KCND2: variants seen among roughly 807,000 people sequenced by gnomAD.
KCND2 encodes potassium voltage-gated channel subfamily D member 2.
In KCND2, 16 loss-of-function variants were observed where a neutral mutation model predicts 54.4. The ratio of observed to expected loss-of-function variants is 0.29; its 90% confidence interval spans 0.20 to 0.45. The LOEUF (loss-of-function observed/expected upper bound fraction) is 0.45, where lower values mean the gene tolerates loss of function less well. Among genes scored for constraint, KCND2 ranks in the 20% least tolerant of loss-of-function variants. KCND2 has a pLI of 1.00. For synonymous variants in KCND2, 317 were observed against 310.7 expected (o/e 1.02, Z -0.21); for missense variants, 486 against 824.2 (o/e 0.59, Z 5.02).
At chr7:120,512,718 T>C (rs902202859) in intron 1 of KCND2, among the ~76,000 whole-genome samples, 2 of 151,988 alleles carry the variant, frequency 1.3e-5, no homozygotes, top group African/African-American at 4.8e-5. Context: ...TTTTTTCTCC[T>C]TTTTCATAAA....
intron 1 of KCND2, among the ~76,000 whole-genome samples, chr7:120,443,619 T>A (rs1801975939): frequency 6.6e-6 from 1 of 152,018 alleles, no homozygotes; most frequent in Admixed American, 6.6e-5. Flanking sequence ...ACTTTCAAAG[T>A]CTGATCATGC....
Position 120,747,682 on chromosome 7 carries a change from C to T in KCND2, c.1717C>T (p.Arg573Ter), listed in dbSNP as rs775854692. Residue 573 changes from arginine (R) to a stop codon, truncating the protein, a stop_gained and splice_region_variant, in exon 6 of 6, where the codon CGA becomes TGA. Coordinates refer to ENST00000331113, the MANE Select transcript of KCND2 (RefSeq NM_012281.3). LOFTEE classifies it high-confidence loss of function. ...CCTAAATATTTTTTTTTCTATCAGC[C>T]GATCCAGTTTAAATGCCAAAATGGA... ...CVERTPLSNS[R>*]SSLNAKMEEC... The T allele has an allele frequency of 2.5e-6, 4 of 1,609,750 alleles. No homozygotes were observed. The highest frequency in any genetic ancestry group is 1.7e-5 in the Admixed American group (1 of 59,854).
At chr7:120,312,046 AG>A (rs1216870765) in intron 1 of KCND2, among the ~76,000 whole-genome samples, 1 of 152,170 alleles carries the variant, frequency 6.6e-6, no homozygotes, top group Non-Finnish European at 1.5e-5. Context: ...CTGGGATAAC[AG>A]GCATGCAACA....
At chr7:120,513,884 G>A (rs1803157875) in intron 1 of KCND2, among the ~76,000 whole-genome samples, 1 of 152,048 alleles carries the variant, frequency 6.6e-6, no homozygotes, top group Admixed American at 6.6e-5. Flanking sequence ...TTCAGGAATT[G>A]TTTTGAAGAC....
At chr7:120,572,768 C>T (rs1403215084) in intron 1 of KCND2, among the ~76,000 whole-genome samples, 1 of 152,168 alleles carries the variant, frequency 6.6e-6, no homozygotes, top group African/African-American at 2.4e-5. Flanking sequence ...AGTGATCCAC[C>T]CGCCTTGGCA....
intron 1 of KCND2, among the ~76,000 whole-genome samples, chr7:120,645,512 G>A (rs754217005): frequency 1.3e-5 from 2 of 152,090 alleles, no homozygotes; most frequent in East Asian, 3.9e-4. Flanking sequence ...TGTGTTTCAC[G>A]GCTGGCCACA....
intron 1 of KCND2, among the ~76,000 whole-genome samples, chr7:120,726,153 T>G (rs2116121854): frequency 6.6e-6 from 1 of 152,312 alleles, no homozygotes; most frequent in East Asian, 1.9e-4. Context: ...TTCTTGGGCT[T>G]TGATCGTATA....
intron 1 of KCND2, among the ~76,000 whole-genome samples, chr7:120,408,665 A>C (rs1801399194): frequency 6.6e-6 from 1 of 151,616 alleles, no homozygotes; most frequent in Non-Finnish European, 1.5e-5. Context: ...TGTGATCAAC[A>C]CTCCCCTGCC....
At chr7:120,710,615 A>G (rs1473205698) in intron 1 of KCND2, among the ~76,000 whole-genome samples, 1 of 152,126 alleles carries the variant, frequency 6.6e-6, no homozygotes, top group African/African-American at 2.4e-5. Flanking sequence ...TAGCAATTAT[A>G]CTAAAGTTTA....
chr7:120,612,853 T>C (rs1244940388), intron 1 of KCND2, among the ~76,000 whole-genome samples: 1 of 152,204 alleles, frequency 6.6e-6, no homozygotes, highest in African/African-American at 2.4e-5. Flanking sequence ...GTAAGGAAGA[T>C]GGTAAAATAA....
chr7:120,683,259 A>T (rs1792162302), intron 1 of KCND2, among the ~76,000 whole-genome samples: 1 of 152,134 alleles, frequency 6.6e-6, no homozygotes. Context: ...TAATGGTGTC[A>T]TTACAAATGG....
chr7:120,363,676 T>C (rs1179160094), intron 1 of KCND2, among the ~76,000 whole-genome samples: 1 of 152,134 alleles, frequency 6.6e-6, no homozygotes. Context: ...TACCTAATTT[T>C]GATCATGTAT....
intron 1 of KCND2, among the ~76,000 whole-genome samples, chr7:120,435,162 A>C (rs1389327901): frequency 6.6e-6 from 1 of 151,746 alleles, no homozygotes; most frequent in Non-Finnish European, 1.5e-5. Flanking sequence ...AGTGGAGTGC[A>C]GTGGCTTCAT....
intron 1 of KCND2, among the ~76,000 whole-genome samples, chr7:120,577,530 C>T (rs1439292698): frequency 6.7e-6 from 1 of 149,720 alleles, no homozygotes; most frequent in Admixed American, 6.6e-5. Flanking sequence ...ACTCTGCCTC[C>T]CTGGACTCAA....
chr7:120,497,916 C>T (rs1188359462), intron 1 of KCND2, among the ~76,000 whole-genome samples: 1 of 152,040 alleles, frequency 6.6e-6, no homozygotes, highest in Non-Finnish European at 1.5e-5. Context: ...TATTAGAGGA[C>T]ACCTAGCAGC....
At chr7:120,497,573 A>C (rs928896756) in intron 1 of KCND2, among the ~76,000 whole-genome samples, 18 of 152,334 alleles carry the variant, frequency 1.2e-4, no homozygotes, top group African/African-American at 4.3e-4. Context: ...TGAGGATTCC[A>C]TGTACCTTCC....
intron 1 of KCND2, among the ~76,000 whole-genome samples, chr7:120,665,115 A>G (rs1791909458): frequency 1.3e-5 from 2 of 152,084 alleles, no homozygotes; most frequent in Admixed American, 6.5e-5. Flanking sequence ...ACTCTAGTTT[A>G]TAAACCTAGT....
chr7:120,492,471 G>A (rs1802798487), intron 1 of KCND2, among the ~76,000 whole-genome samples: 1 of 151,812 alleles, frequency 6.6e-6, no homozygotes. Context: ...CATAAGCTGG[G>A]CAGCTTATAA....
rs570202327 is a variant in KCND2 at position 120,349,699 on chromosome 7, G to A, written c.1115+73952G>A. On this transcript the variant is annotated intron_variant, in intron 1 of 5. Transcript: ENST00000331113. ...AATTCATTACACAAATGTTTTTTGA[G>A]CCCCTGTTATAGTCCAGATATCTTT... 3.5e-4 allele frequency among the ~76,000 whole-genome samples: 54 copies of A among 152,162 alleles called. 1 individual carries two copies. The South Asian group carries it at 0.011, about 30-fold the overall frequency.
Sources: gnomAD v4.1 joint callset for allele counts (sites outside exome capture counted in the v4.1 genomes callset) on GRCh38, gnomAD v4.1.1 for gene constraint, MANE v1.5 for transcripts, NCBI Gene and HGNC (gene_info 2026-07-23, HGNC 2026-07-21) for gene names.